The following CARMIL1 variants were observed in gnomAD, a reference collection of about 807,000 sequenced individuals.
CARMIL1 encodes the protein capping protein regulator and myosin 1 linker 1.
Under a neutral mutation model 177.1 loss-of-function variants are expected in CARMIL1, and 90 were observed. The observed-to-expected ratio is 0.51, with a 90% CI of 0.43 to 0.61. The LOEUF (loss-of-function observed/expected upper bound fraction) is 0.61, where lower values mean the gene tolerates loss of function less well. Among genes scored for constraint, CARMIL1 ranks in the 20% least tolerant of loss-of-function variants. The pLI is 0.00. For synonymous variants in CARMIL1, 577 were observed against 606.2 expected, an observed-to-expected ratio of 0.95 and a Z score of 0.71; for missense variants, 1,380 against 1,667.0, an observed-to-expected ratio of 0.83 and a Z score of 3.00.
At chr6:25,475,073 G>T (rs1046377834) in intron 11 of CARMIL1, among the ~76,000 whole-genome samples, 1 of 152,206 alleles carries the variant, frequency 6.6e-6, no homozygotes, top group Admixed American at 6.5e-5. Flanking sequence ...AGTGTAAAAT[G>T]GTACAGCCAC....
intron 2 of CARMIL1, among the ~76,000 whole-genome samples, chr6:25,285,151 A>G (rs534037455): frequency 6.6e-6 from 1 of 152,208 alleles, no homozygotes; most frequent in African/African-American, 2.4e-5. Flanking sequence ...ATTGCTGCCT[A>G]TATTTAGGTA....
At chr6:25,542,915 C>T (rs1268837527) in intron 26 of CARMIL1, among the ~76,000 whole-genome samples, 1 of 152,132 alleles carries the variant, frequency 6.6e-6, no homozygotes, top group African/African-American at 2.4e-5. Flanking sequence ...GTGGCTGTTA[C>T]TGAATTCACT....
intron 1 of CARMIL1, among the ~76,000 whole-genome samples, chr6:25,284,016 C>T (rs1781342623): frequency 6.6e-6 from 1 of 152,146 alleles, no homozygotes; most frequent in African/African-American, 2.4e-5. Flanking sequence ...ACGTGCCCAG[C>T]CCGGTTCTGT....
chr6:25,328,975 A>G (rs2150267709), intron 2 of CARMIL1, among the ~76,000 whole-genome samples: 1 of 152,292 alleles, frequency 6.6e-6, no homozygotes, highest in East Asian at 1.9e-4. Flanking sequence ...TAGGAGGGTC[A>G]TATGTATTTC....
chr6:25,497,495 G>C (rs1049882833), intron 16 of CARMIL1, among the ~76,000 whole-genome samples: 1 of 152,122 alleles, frequency 6.6e-6, no homozygotes, highest in Non-Finnish European at 1.5e-5. Context: ...AAAAGGGAAG[G>C]GGGAGAAAGC....
At chr6:25,401,990 G>GTT (rs761702635) in intron 2 of CARMIL1, among the ~76,000 whole-genome samples, 9 of 139,038 alleles carry the variant, frequency 6.5e-5, no homozygotes, top group African/African-American at 1.3e-4. Flanking sequence ...TTTGCGTGTA[G>GTT]TTTTTTTTTT....
intron 4 of CARMIL1, among the ~76,000 whole-genome samples, chr6:25,434,205 A>G (rs1384040401): frequency 1.3e-5 from 2 of 151,974 alleles, no homozygotes; most frequent in African/African-American, 2.4e-5. Context: ...CCCAGTTTAC[A>G]TGAATGTTTT....
At chr6:25,332,776 C>T (rs138652702) in intron 2 of CARMIL1, among the ~76,000 whole-genome samples, 9 of 95,624 alleles carry the variant, frequency 9.4e-5, no homozygotes, top group Non-Finnish European at 1.4e-4. Flanking sequence ...CACACACGCG[C>T]ACACACACAC....
chr6:25,540,043 G>A lies in CARMIL1; in HGVS notation c.2293G>A (p.Gly765Arg), dbSNP rs1460230961. 2 of 1,609,582 alleles carry A rather than the reference G, an allele frequency of 1.2e-6. No individual in the cohort carries two copies. Among genetic ancestry groups the A allele is most frequent in the Non-Finnish European group, 1.7e-6 (2 of 1,178,232 alleles). The change falls in exon 26 of 37, where the codon GGA (glycine) becomes AGA (arginine). Residue 765 changes from glycine (G) to arginine (R), a missense_variant. By Grantham distance (125) the Gly-to-Arg change is moderately radical (BLOSUM62 -2). Coordinates refer to ENST00000329474, the MANE Select transcript of CARMIL1 (RefSeq NM_017640.6). ...TCAGGAGACCCTGGAATCAATGGCT[G>A]GAGAAGTTACAAGAGTAGTAGATGA... is the stretch of plus-strand genomic sequence containing the variant. ...PIQETLESMA[G>R]EVTRVVDEQL...
intron 2 of CARMIL1, among the ~76,000 whole-genome samples, chr6:25,359,919 A>C (rs1012905495): frequency 6.6e-6 from 1 of 152,222 alleles, no homozygotes; most frequent in Admixed American, 6.5e-5. Flanking sequence ...AAGGAAAAAA[A>C]AGTTTAACTT....
chr6:25,298,384 C>G (rs1217784160), intron 2 of CARMIL1, among the ~76,000 whole-genome samples: 4 of 152,326 alleles, frequency 2.6e-5, no homozygotes, highest in African/African-American at 7.2e-5. Context: ...TAAGCCAGTA[C>G]AGACTGTCTA....
chr6:25,381,836 A>G (rs1295586141), intron 2 of CARMIL1, among the ~76,000 whole-genome samples: 1 of 152,120 alleles, frequency 6.6e-6, no homozygotes, highest in Non-Finnish European at 1.5e-5. Context: ...TGATTAGTTC[A>G]ATCTCCATCC....
At chr6:25,365,033 C>A (rs1013917075) in intron 2 of CARMIL1, among the ~76,000 whole-genome samples, 1 of 152,204 alleles carries the variant, frequency 6.6e-6, no homozygotes, top group Non-Finnish European at 1.5e-5. Flanking sequence ...CAACACAGTT[C>A]TCCTTTTCTC....
intron 2 of CARMIL1, among the ~76,000 whole-genome samples, chr6:25,412,761 TG>T (rs1795029315): frequency 6.6e-6 from 1 of 152,122 alleles, no homozygotes; most frequent in African/African-American, 2.4e-5. Context: ...AAACTCTATG[TG>T]GGGTAGTGGG....
At position 25,332,904 on chromosome 6, in the gene CARMIL1, A is replaced by C. The variant is rs138596793; in HGVS notation, c.138+47995A>C. On this transcript the variant is annotated intron_variant, in intron 2 of 36. Transcript: ENST00000329474. ...CCGTGCCTGCTGGCCTTTGTGCTAT[A>C]GTCTCCTGGCCACAGTGATTAGTCC... 1.8e-3 allele frequency among the ~76,000 whole-genome samples: 274 copies of C among 152,298 alleles called. 1 individual carries two copies. Among genetic ancestry groups the C allele is most frequent in the African/African-American group, 6.3e-3 (261 of 41,562 alleles).
At chr6:25,604,920 C>G in intron 34 of CARMIL1, 27 bp downstream of exon 34, 4 of 1,550,304 alleles carry the variant, frequency 2.6e-6, no homozygotes, top group Non-Finnish European at 1.7e-6. Flanking sequence ...CCATCACCCC[C>G]TTAGGAAAAG....
intron 29 of CARMIL1, among the ~76,000 whole-genome samples, chr6:25,561,013 G>C (rs1483777958): frequency 6.6e-6 from 1 of 152,150 alleles, no homozygotes; most frequent in African/African-American, 2.4e-5. Flanking sequence ...TGGTGACAAT[G>C]ATTAATTAGT....
chr6:25,447,926 A>G (rs773216407), intron 5 of CARMIL1, among the ~76,000 whole-genome samples: 3 of 151,836 alleles, frequency 2.0e-5, no homozygotes, highest in Non-Finnish European at 4.4e-5. Flanking sequence ...CCTTCTGTCC[A>G]CACTGTTTTT....
Position 25,300,987 on chromosome 6 carries a change from A to G in CARMIL1, c.138+16078A>G, listed in dbSNP as rs559051388. Among the ~76,000 whole-genome samples, 6 of 152,352 alleles carry G rather than the reference A, an allele frequency of 3.9e-5. No individual in the cohort carries two copies. In the East Asian group the frequency reaches 9.6e-4, roughly 24 times the overall value. Reference sequence around the variant, plus strand: ...AGATCATGCTAAGTGTGTGCTGGTCATATTGGCTTCCCTGCAAGAGCCTGC... The same window carrying G: ...AGATCATGCTAAGTGTGTGCTGGTCGTATTGGCTTCCCTGCAAGAGCCTGC... On this transcript the variant is annotated intron_variant, in intron 2 of 36. Coordinates refer to ENST00000329474, the MANE Select transcript of CARMIL1 (RefSeq NM_017640.6).
Sources: allele counts gnomAD v4.1 joint callset (sites outside exome capture counted in the v4.1 genomes callset), GRCh38; gene constraint gnomAD v4.1.1; transcripts MANE v1.5; gene names NCBI Gene and HGNC (gene_info 2026-07-23, HGNC 2026-07-21).